Variants in RTN1 observed in about 807,000 individuals in gnomAD.
RTN1 encodes reticulon-1.
A neutral mutation model predicts 65.5 loss-of-function variants in RTN1; 25 were observed. The observed-to-expected ratio is 0.38, with a 90% CI of 0.28 to 0.53. The LOEUF is 0.53. RTN1 is among the 20% of genes least tolerant of loss of function. The pLI, the probability that RTN1 is intolerant of heterozygous loss-of-function variation, is 0.79. For synonymous variants in RTN1, 471 were observed against 447.6 expected, an observed-to-expected ratio of 1.05 and a Z score of -0.66; for missense variants, 983 against 1,025.4, an observed-to-expected ratio of 0.96 and a Z score of 0.57.
intron 3 of RTN1, among the ~76,000 whole-genome samples, chr14:59,663,443 C>T (rs1883294843): frequency 6.6e-6 from 1 of 152,084 alleles, no homozygotes; most frequent in Non-Finnish European, 1.5e-5. Context: ...ATGACTAAAA[C>T]ACCAAAAGCA....
At chr14:59,724,985 A>T (rs1449124197) in intron 3 of RTN1, among the ~76,000 whole-genome samples, 3 of 152,140 alleles carry the variant, frequency 2.0e-5, no homozygotes, top group Non-Finnish European at 4.4e-5. Context: ...AGTGGAGATT[A>T]TTCACCTTGG....
chr14:59,840,928 A>C (rs1243318480), intron 1 of RTN1, among the ~76,000 whole-genome samples: 1 of 152,220 alleles, frequency 6.6e-6, no homozygotes, highest in Non-Finnish European at 1.5e-5. Flanking sequence ...CTATATGGAG[A>C]GAACCACTGA....
At chr14:59,711,098 A>T (rs1190991781) in intron 3 of RTN1, among the ~76,000 whole-genome samples, 1 of 152,178 alleles carries the variant, frequency 6.6e-6, no homozygotes, top group Non-Finnish European at 1.5e-5. Context: ...GACCAGCCTT[A>T]ATAACAAACC....
intron 1 of RTN1, among the ~76,000 whole-genome samples, chr14:59,807,756 G>A (rs906356070): frequency 2.6e-5 from 4 of 152,134 alleles, no homozygotes; most frequent in African/African-American, 7.2e-5. Flanking sequence ...GGTAGGCAGA[G>A]GACATTTTCC....
chr14:59,677,148 C>T (rs1883644041), intron 3 of RTN1, among the ~76,000 whole-genome samples: 1 of 152,240 alleles, frequency 6.6e-6, no homozygotes, highest in African/African-American at 2.4e-5. Context: ...TTCTGACCCT[C>T]TTCTTCCAGG....
intron 1 of RTN1, among the ~76,000 whole-genome samples, chr14:59,786,046 G>A (rs1364134846): frequency 6.6e-6 from 1 of 152,184 alleles, no homozygotes; most frequent in Non-Finnish European, 1.5e-5. Context: ...CAGAAAACAG[G>A]AGGGTATAGA....
intron 3 of RTN1, among the ~76,000 whole-genome samples, chr14:59,641,910 T>G (rs1882789721): frequency 6.6e-6 from 1 of 152,208 alleles, no homozygotes; most frequent in Non-Finnish European, 1.5e-5. Flanking sequence ...TCACATTTAC[T>G]CACATATTTA....
chr14:59,867,394 A>G (rs1172984873), intron 1 of RTN1, among the ~76,000 whole-genome samples: 2 of 152,222 alleles, frequency 1.3e-5, no homozygotes, highest in African/African-American at 2.4e-5. Context: ...TTCCCTTGTC[A>G]ACACACATAA....
chr14:59,630,685 G>C lies in RTN1; in HGVS notation c.1766-23193C>G, dbSNP rs571812623. ...GCGTCGCTGGCGCCGCAGTCTGCGC[G>C]GCCGGCAGCGAATCAGCGCGGCGCG... On this transcript the variant is annotated intron_variant, in intron 3 of 8. Transcript: ENST00000267484. The C allele has an allele frequency of 1.7e-5, 20 of 1,174,654 alleles. 1 individual carries two copies. The highest frequency in any genetic ancestry group is 2.1e-5 in the Non-Finnish European group (20 of 953,324). The allele number at this position is 1,174,654 out of a possible 1,614,324, so 72.8% of individuals were successfully genotyped here. A position where few individuals can be genotyped will look rare whatever the true frequency, so the allele number is the denominator to read the frequency against.
chr14:59,798,985 T>C (rs557762347), intron 1 of RTN1, among the ~76,000 whole-genome samples: 2 of 152,298 alleles, frequency 1.3e-5, no homozygotes, highest in South Asian at 4.1e-4. Context: ...TGAAAAACAA[T>C]TGCCAGATTT....
intron 3 of RTN1, among the ~76,000 whole-genome samples, chr14:59,651,778 T>C (rs771457184): frequency 1.5e-4 from 23 of 151,746 alleles, no homozygotes; most frequent in Middle Eastern, 3.2e-3. Context: ...AAACCCAACA[T>C]AGGTATGGGC....
intron 3 of RTN1, among the ~76,000 whole-genome samples, chr14:59,719,080 C>A (rs1884596644): frequency 1.3e-5 from 2 of 152,154 alleles, no homozygotes; most frequent in African/African-American, 4.8e-5. Context: ...CCAATGTGAC[C>A]TCTAAAGAAT....
chr14:59,776,570 T>C (rs1287668216), intron 1 of RTN1, among the ~76,000 whole-genome samples: 10 of 152,168 alleles, frequency 6.6e-5, no homozygotes, highest in Non-Finnish European at 1.0e-4. Flanking sequence ...CATTCAAAAA[T>C]AGGAACTTTG....
chr14:59,814,825 C>G (rs747997389), intron 1 of RTN1, among the ~76,000 whole-genome samples: 1 of 152,320 alleles, frequency 6.6e-6, no homozygotes, highest in Non-Finnish European at 1.5e-5. Context: ...GCCAAATTCT[C>G]TCTGGGATAA....
At chr14:59,739,409 CGG>C (rs574805155) in intron 2 of RTN1, among the ~76,000 whole-genome samples, 174 of 152,128 alleles carry the variant, frequency 1.1e-3, no homozygotes, top group African/African-American at 3.8e-3. Flanking sequence ...GGCATGGTGG[CGG>C]GCACATGTAA....
intron 2 of RTN1, among the ~76,000 whole-genome samples, chr14:59,731,389 T>C (rs1884893784): frequency 6.6e-6 from 1 of 152,092 alleles, no homozygotes; most frequent in Admixed American, 6.5e-5. Context: ...CTTTTTGGGG[T>C]AATAAGATGC....
At position 59,707,409 on chromosome 14, in the gene RTN1, C is replaced by T. The variant is rs144274620; in HGVS notation, c.1765+19510G>A. On this transcript the variant is annotated intron_variant, in intron 3 of 8. Coordinates refer to ENST00000267484, the MANE Select transcript of RTN1 (RefSeq NM_021136.3). ...CTGCTTTATTTTTGAATTCACAGCA[C>T]TTGCCAATGCCTGATACTATATGAT... 8.7e-3 allele frequency among the ~76,000 whole-genome samples: 1,324 copies of T among 152,266 alleles called. 11 individuals are homozygous for T. Among genetic ancestry groups the T allele is most frequent in the Admixed American group, 0.013 (206 of 15,298 alleles).
intron 3 of RTN1, among the ~76,000 whole-genome samples, chr14:59,696,800 A>G (rs1884072892): frequency 6.6e-6 from 1 of 152,222 alleles, no homozygotes; most frequent in African/African-American, 2.4e-5. Context: ...TAAATAGGAT[A>G]GGAAACAATT....
chr14:59,746,591 T>C, intron 1 of RTN1, 110 bp from the exon 2 acceptor site: 2 of 945,922 alleles, frequency 2.1e-6, no homozygotes, highest in Non-Finnish European at 3.1e-6. Flanking sequence ...TCCTTTCTCC[T>C]TAAGCCCTCG....
Sources: gnomAD v4.1 joint callset for allele counts (sites outside exome capture counted in the v4.1 genomes callset) on GRCh38, gnomAD v4.1.1 for gene constraint, MANE v1.5 for transcripts, NCBI Gene and HGNC (gene_info 2026-07-23, HGNC 2026-07-21) for gene names.